Variants in LRMDA observed in about 807,000 individuals in gnomAD.
The protein encoded by LRMDA is leucine-rich melanocyte differentiation-associated protein.
In LRMDA, 18 loss-of-function variants were observed where a neutral mutation model predicts 29.8. That is an observed-to-expected ratio of 0.60 (90% CI 0.42 to 0.90). LRMDA has a LOEUF of 0.90. Among genes scored for constraint, LRMDA ranks in the 40% least tolerant of loss-of-function variants. The pLI, the probability that LRMDA is intolerant of heterozygous loss-of-function variation, is 0.00. For missense variants in LRMDA, 273 were observed against 273.9 expected (o/e 1.00, Z 0.02); for synonymous variants, 125 against 109.4 (o/e 1.14, Z -0.89).
chr10:76,112,427 A>G (rs1433099919), intron 5 of LRMDA, among the ~76,000 whole-genome samples: 4 of 152,218 alleles, frequency 2.6e-5, no homozygotes, highest in Non-Finnish European at 5.9e-5. Flanking sequence ...CCCTTCACTC[A>G]GAGCCGCCTG....
intron 2 of LRMDA, among the ~76,000 whole-genome samples, chr10:75,586,317 C>A (rs1253228567): frequency 7.2e-6 from 1 of 139,304 alleles, no homozygotes; most frequent in Non-Finnish European, 1.5e-5. Context: ...GCAAGGGTTC[C>A]ATTTCTTCAC....
intron 2 of LRMDA, among the ~76,000 whole-genome samples, chr10:75,802,453 A>T (rs1177232986): frequency 6.6e-6 from 1 of 152,138 alleles, no homozygotes; most frequent in Non-Finnish European, 1.5e-5. Context: ...ATAGCCACAT[A>T]CCTAGCTGTG....
At position 76,544,134 on chromosome 10, in the gene LRMDA, G is replaced by C. The variant is rs375181442; in HGVS notation, c.602-13075G>C. ...ATAATGAGATTTTGGCCAAGTAGCA[G>C]GTAGCAGGTTATTACTTCCTGCTCA... On this transcript the variant is annotated intron_variant, in intron 6 of 6. Transcript: ENST00000611255. Among the ~76,000 whole-genome samples the C allele has an allele frequency of 3.9e-5, 6 of 152,292 alleles. No homozygotes were observed. The East Asian group carries it at 1.2e-3, about 29-fold the overall frequency.
chr10:76,408,830 C>T (rs1841929009), intron 6 of LRMDA, among the ~76,000 whole-genome samples: 1 of 152,302 alleles, frequency 6.6e-6, no homozygotes, highest in Admixed American at 6.5e-5. Context: ...CTCCTCTTGA[C>T]AGCTTTCCTT....
intron 5 of LRMDA, among the ~76,000 whole-genome samples, chr10:76,144,501 A>G (rs1850271911): frequency 6.6e-6 from 1 of 152,052 alleles, no homozygotes; most frequent in Non-Finnish European, 1.5e-5. Context: ...TTTGTCTGTT[A>G]TTGGTGTATA....
intron 6 of LRMDA, among the ~76,000 whole-genome samples, chr10:76,401,832 C>T (rs1369865429): frequency 6.6e-6 from 1 of 152,076 alleles, no homozygotes; most frequent in Admixed American, 6.6e-5. Flanking sequence ...TTTTCTCTTG[C>T]CTTTTGAACA....
intron 2 of LRMDA, among the ~76,000 whole-genome samples, chr10:76,034,744 A>G (rs1307933904): frequency 6.6e-6 from 1 of 152,184 alleles, no homozygotes; most frequent in Admixed American, 6.5e-5. Context: ...TGGAAGCACT[A>G]TCAGTAAATG....
chr10:76,422,158 T>C (rs1842078009), intron 6 of LRMDA, among the ~76,000 whole-genome samples: 1 of 152,074 alleles, frequency 6.6e-6, no homozygotes, highest in Non-Finnish European at 1.5e-5. Flanking sequence ...CACCAAGACT[T>C]ATAAGACTGT....
chr10:76,187,050 C>T (rs1898090), intron 5 of LRMDA, among the ~76,000 whole-genome samples: 23,447 of 152,134 alleles, frequency 0.15, 2,548 homozygotes, highest in East Asian at 0.52. Context: ...CTTCACTACT[C>T]CCAGCCTCTC....
chr10:75,844,788 G>A (rs546671394), intron 2 of LRMDA, among the ~76,000 whole-genome samples: 1 of 152,274 alleles, frequency 6.6e-6, no homozygotes, highest in African/African-American at 2.4e-5. Flanking sequence ...TTTGAAAACG[G>A]CATTTTTCAT....
intron 2 of LRMDA, among the ~76,000 whole-genome samples, chr10:75,993,990 G>T (rs1847416723): frequency 6.6e-6 from 1 of 152,224 alleles, no homozygotes; most frequent in African/African-American, 2.4e-5. Context: ...TTTTATCAGG[G>T]CTTTTCTCTG....
chr10:75,679,833 A>G (rs1407347321), intron 2 of LRMDA, among the ~76,000 whole-genome samples: 2 of 152,196 alleles, frequency 1.3e-5, no homozygotes, highest in African/African-American at 4.8e-5. Context: ...CCTAGTCCAC[A>G]ATAACATCTC....
chr10:75,604,196 G>C (rs1403769369), intron 2 of LRMDA, among the ~76,000 whole-genome samples: 4 of 152,040 alleles, frequency 2.6e-5, no homozygotes, highest in African/African-American at 7.2e-5. Flanking sequence ...TTTCCAAGAA[G>C]AAGGAGGTCA....
intron 2 of LRMDA, among the ~76,000 whole-genome samples, chr10:75,484,399 A>C (rs1468523662): frequency 1.3e-5 from 2 of 152,148 alleles, no homozygotes; most frequent in East Asian, 3.8e-4. Context: ...ATTTCTATGA[A>C]GTGTGATATA....
chr10:76,284,611 AT>A (rs962986634), intron 5 of LRMDA, among the ~76,000 whole-genome samples: 4 of 152,106 alleles, frequency 2.6e-5, no homozygotes, highest in Non-Finnish European at 5.9e-5. Flanking sequence ...TTTAACCCTG[AT>A]TTTGAAATCT....
At chr10:75,990,027 T>A (rs1847340009) in intron 2 of LRMDA, among the ~76,000 whole-genome samples, 1 of 152,142 alleles carries the variant, frequency 6.6e-6, no homozygotes, top group African/African-American at 2.4e-5. Flanking sequence ...CCGGCCTTGA[T>A]ACAATAACTG....
intron 2 of LRMDA, among the ~76,000 whole-genome samples, chr10:75,624,170 T>A (rs1242930208): frequency 2.6e-5 from 4 of 152,178 alleles, no homozygotes; most frequent in Non-Finnish European, 4.4e-5. Context: ...CAATAACATA[T>A]TATTGGCTCT....
chr10:76,334,049 G>A (rs1840937482), intron 6 of LRMDA, among the ~76,000 whole-genome samples: 3 of 152,214 alleles, frequency 2.0e-5, no homozygotes. Flanking sequence ...TGGAGCTGTG[G>A]CAGCAGGAAC....
At chr10:75,766,371 A>G (rs894396250) in intron 2 of LRMDA, among the ~76,000 whole-genome samples, 6 of 152,158 alleles carry the variant, frequency 3.9e-5, no homozygotes, top group Non-Finnish European at 7.3e-5. Flanking sequence ...TTGGTACATA[A>G]TACATGCTCA....
Sources: allele counts gnomAD v4.1 joint callset (sites outside exome capture counted in the v4.1 genomes callset), GRCh38; gene constraint gnomAD v4.1.1; transcripts MANE v1.5; gene names NCBI Gene and HGNC (gene_info 2026-07-23, HGNC 2026-07-21).